Variants in DCC observed in about 807,000 individuals in gnomAD.
DCC encodes netrin receptor DCC.
A neutral mutation model predicts 172.5 loss-of-function variants in DCC; 58 were observed. That is an observed-to-expected ratio of 0.34 (90% CI 0.27 to 0.42). The LOEUF (loss-of-function observed/expected upper bound fraction) is 0.42. Among genes scored for constraint, DCC ranks in the 10% least tolerant of loss-of-function variants. The pLI, the probability that DCC is intolerant of heterozygous loss-of-function variation, is 1.00. For synonymous variants in DCC, 709 were observed against 644.5 expected (o/e 1.10, Z -1.52); for missense variants, 1,740 against 1,791.0 (o/e 0.97, Z 0.51).
At chr18:53,116,395 T>C (rs2043409526) in intron 7 of DCC, among the ~76,000 whole-genome samples, 1 of 151,754 alleles carries the variant, frequency 6.6e-6, no homozygotes, top group African/African-American at 2.4e-5. Flanking sequence ...AGTCATCTAG[T>C]TGGCCTGCGC....
intron 13 of DCC, among the ~76,000 whole-genome samples, chr18:53,320,837 C>T (rs1448897957): frequency 6.6e-6 from 1 of 152,092 alleles, no homozygotes; most frequent in Non-Finnish European, 1.5e-5. Flanking sequence ...AAGATAAGAG[C>T]ACCAATGATA....
chr18:52,937,054 G>A lies in DCC; in HGVS notation c.985+11684G>A, dbSNP rs1379928195. Among the ~76,000 whole-genome samples, 3 of 152,026 alleles carry A rather than the reference G, an allele frequency of 2.0e-5. No individual in the cohort carries two copies. The East Asian group carries it at 5.8e-4, about 29-fold the overall frequency. On this transcript the variant is annotated intron_variant, in intron 5 of 28. Transcript: ENST00000442544. The stretch of plus-strand genomic sequence containing the variant: ...AATCACCAAAGGAGTAGAATTGCTG[G>A]ATTACCAAACAATGCTTGGTAATTT...
chr18:52,954,410 T>C (rs2040708120), intron 5 of DCC, among the ~76,000 whole-genome samples: 1 of 152,208 alleles, frequency 6.6e-6, no homozygotes. Flanking sequence ...ACATATGTAC[T>C]CTAATTTAGT....
At chr18:53,310,629 G>C (rs918334861) in intron 13 of DCC, among the ~76,000 whole-genome samples, 2 of 151,740 alleles carry the variant, frequency 1.3e-5, no homozygotes, top group Non-Finnish European at 2.9e-5. Flanking sequence ...TGCTCTTCAG[G>C]GAAGGTTGTT....
chr18:53,408,426 G>A (rs1166404101), intron 19 of DCC, among the ~76,000 whole-genome samples: 12 of 152,152 alleles, frequency 7.9e-5, no homozygotes, highest in Admixed American at 7.9e-4. Flanking sequence ...ACCACCCTCA[G>A]TTCCTGCCAC....
rs184582725 is a variant in DCC at position 52,839,583 on chromosome 18, T to G, written c.413-66461T>G. Among the ~76,000 whole-genome samples, 335 of 152,338 alleles carry G rather than the reference T, an allele frequency of 2.2e-3. 2 individuals are homozygous for G. The highest frequency in any genetic ancestry group is 7.7e-3 in the African/African-American group (319 of 41,588). On this transcript the variant is annotated intron_variant, in intron 2 of 28. Coordinates refer to ENST00000442544, the MANE Select transcript of DCC (RefSeq NM_005215.4). ...CCAGCCCTCTTCTTGACAACATTGCTGAATATTATTAAATACATATTTAAG... is the reference window on the plus strand; with the variant it reads ...CCAGCCCTCTTCTTGACAACATTGCGGAATATTATTAAATACATATTTAAG...
At chr18:52,423,739 G>A (rs80160632) in intron 1 of DCC, among the ~76,000 whole-genome samples, 5,319 of 152,086 alleles carry the variant, frequency 0.035, 158 homozygotes, top group Middle Eastern at 0.088. Flanking sequence ...TCTTTTGGAA[G>A]GAAAAGAAAT....
At chr18:52,739,568 A>T (rs1402516124) in intron 1 of DCC, among the ~76,000 whole-genome samples, 1 of 152,164 alleles carries the variant, frequency 6.6e-6, no homozygotes, top group Non-Finnish European at 1.5e-5. Flanking sequence ...TGAGTCTGTC[A>T]CTGCTATTCA....
chr18:52,862,015 G>A lies in DCC; in HGVS notation c.413-44029G>A, dbSNP rs115709270. 2.2e-3 allele frequency among the ~76,000 whole-genome samples: 332 copies of A among 152,166 alleles called. 2 individuals carry two copies. The highest frequency in any genetic ancestry group is 7.6e-3 in the African/African-American group (316 of 41,530). ...GAAACTTTGTTGTATCATGGCATAC[G>A]ACAATTTAACATAATCATAATTGTG... On this transcript the variant is annotated intron_variant, in intron 2 of 28. Coordinates refer to ENST00000442544, the MANE Select transcript of DCC (RefSeq NM_005215.4).
chr18:53,425,272 A>G (rs779788080), intron 21 of DCC, among the ~76,000 whole-genome samples: 2 of 151,442 alleles, frequency 1.3e-5, no homozygotes, highest in Non-Finnish European at 2.9e-5. Flanking sequence ...CAAGTCATAC[A>G]TACCTAAACT....
chr18:52,803,195 A>G (rs150056987), intron 2 of DCC, among the ~76,000 whole-genome samples: 2 of 152,294 alleles, frequency 1.3e-5, no homozygotes, highest in East Asian at 3.9e-4. Context: ...GGTGTTATTC[A>G]AGGTTTACAA....
intron 1 of DCC, among the ~76,000 whole-genome samples, chr18:52,515,378 C>T (rs1449703777): frequency 7.9e-5 from 12 of 151,622 alleles, no homozygotes; most frequent in East Asian, 3.9e-4. Context: ...GAGGCCCAGG[C>T]GGGTGGATCA....
At chr18:53,367,892 C>T (rs1281231678) in intron 15 of DCC, among the ~76,000 whole-genome samples, 1 of 152,138 alleles carries the variant, frequency 6.6e-6, no homozygotes, top group Non-Finnish European at 1.5e-5. Flanking sequence ...AATAATATTT[C>T]ATTGTATATT....
chr18:52,697,979 A>G (rs568025161), intron 1 of DCC, among the ~76,000 whole-genome samples: 9 of 152,322 alleles, frequency 5.9e-5, no homozygotes, highest in African/African-American at 2.2e-4. Context: ...AAGGTCACCT[A>G]TCTTACTCAG....
rs189259804 is a variant in DCC at position 52,798,963 on chromosome 18, G to T, written c.412+46589G>T. On this transcript the variant is annotated intron_variant, in intron 2 of 28. Coordinates refer to ENST00000442544, the MANE Select transcript of DCC (RefSeq NM_005215.4). ...GAGGTTTCACTATGTTGGCCAGGCT[G>T]GTCTCGAACTCCTGACCTTAGGCAA... Among the ~76,000 whole-genome samples, 480 of 152,080 alleles carry T rather than the reference G, an allele frequency of 3.2e-3. 2 individuals are homozygous for T. The highest frequency in any genetic ancestry group is 0.011 in the African/African-American group (442 of 41,480).
intron 1 of DCC, among the ~76,000 whole-genome samples, chr18:52,421,979 C>T (rs1215712194): frequency 3.3e-5 from 5 of 152,184 alleles, no homozygotes; most frequent in African/African-American, 1.2e-4. Context: ...TCAGACCTTT[C>T]TGAAGTATCT....
At position 53,535,881 on chromosome 18, in the gene DCC, A is replaced by C. The variant is rs2046569146; in HGVS notation, c.*5228A>C. ...CCAATGGTGCATTTTTTGTTTAATA[A>C]ATAAAGTTTTGATACAAAGTTCTTT... On this transcript the variant is annotated 3_prime_UTR_variant, in exon 29 of 29. Coordinates refer to ENST00000442544, the MANE Select transcript of DCC (RefSeq NM_005215.4). 6.6e-6 allele frequency: 1 copy of C among 152,150 alleles called. No homozygotes were observed. The highest frequency in any genetic ancestry group is 2.4e-5 in the African/African-American group (1 of 41,428). The allele number at this position is 152,150 out of a possible 1,614,324, so 9.4% of individuals were successfully genotyped here.
chr18:53,087,437 TTTGATGGGGTTGTTTGTTTTTTTC>T (rs1217155811), intron 7 of DCC, among the ~76,000 whole-genome samples: 1 of 151,658 alleles, frequency 6.6e-6, no homozygotes, highest in Non-Finnish European at 1.5e-5. Flanking sequence ...TCGCCCACTT[TTTGATGGGGTTGTTTGTTTTTTTC>T]TTGTAAATTT....
At chr18:52,349,149 G>T (rs1430379442) in intron 1 of DCC, among the ~76,000 whole-genome samples, 1 of 152,048 alleles carries the variant, frequency 6.6e-6, no homozygotes, top group Non-Finnish European at 1.5e-5. Flanking sequence ...ATAACTGTGG[G>T]TTTCAAACAA....
Sources: gnomAD v4.1 joint callset for allele counts (sites outside exome capture counted in the v4.1 genomes callset) on GRCh38, gnomAD v4.1.1 for gene constraint, MANE v1.5 for transcripts, NCBI Gene and HGNC (gene_info 2026-07-23, HGNC 2026-07-21) for gene names.